The following PCCA variants were observed in gnomAD, a reference collection of about 807,000 sequenced individuals.
The protein encoded by PCCA is propionyl-CoA carboxylase subunit alpha.
PCCA carries 74 observed loss-of-function variants against 101.3 expected under a neutral mutation model. That is an observed-to-expected ratio of 0.73 (90% CI 0.61 to 0.89). The LOEUF (loss-of-function observed/expected upper bound fraction) is 0.89. Among genes scored for constraint, PCCA ranks in the 40% least tolerant of loss-of-function variants. PCCA has a pLI of 0.00. For synonymous variants in PCCA, 294 were observed against 313.6 expected (o/e 0.94, Z 0.66); for missense variants, 891 against 907.0 (o/e 0.98, Z 0.23).
At chr13:100,487,714 G>C (rs747167167) in intron 21 of PCCA, among the ~76,000 whole-genome samples, 1 of 151,890 alleles carries the variant, frequency 6.6e-6, no homozygotes, top group African/African-American at 2.4e-5. Flanking sequence ...GAAATGCTGC[G>C]ATGGGACCTT....
Position 100,202,486 on chromosome 13 carries a change from G to GTT in PCCA, c.469-6834_469-6833dup, listed in dbSNP as rs1338702389. 2.1e-3 allele frequency among the ~76,000 whole-genome samples: 268 copies of GTT among 130,326 alleles called. 2 individuals carry two copies. Among genetic ancestry groups the GTT allele is most frequent in the African/African-American group, 6.9e-3 (247 of 35,950 alleles). 85.5% of individuals were successfully genotyped at this position (130,326 alleles called of 152,430 possible). A position where few individuals can be genotyped will look rare whatever the true frequency, so the allele number is the denominator to read the frequency against. ...TCTTTTGTATAAGTTACCTATTCCT[G>GTT]TTTTTTTTTTTTTCATTTTCTTTTA... On this transcript the variant is annotated intron_variant, in intron 6 of 23. Transcript: ENST00000376285.
chr13:100,512,456 T>TA (rs1157082205), intron 21 of PCCA, among the ~76,000 whole-genome samples: 2 of 152,238 alleles, frequency 1.3e-5, no homozygotes, highest in Non-Finnish European at 2.9e-5. Context: ...TGTTCTCACT[T>TA]ACGTGGTGAG....
chr13:100,400,387 C>T (rs1045908296), intron 19 of PCCA, among the ~76,000 whole-genome samples: 1 of 152,098 alleles, frequency 6.6e-6, no homozygotes, highest in African/African-American at 2.4e-5. Context: ...ACTACATCAC[C>T]TGACAAGCTG....
intron 12 of PCCA, among the ~76,000 whole-genome samples, chr13:100,275,719 T>C (rs1443194751): frequency 3.3e-5 from 5 of 152,188 alleles, no homozygotes; most frequent in Non-Finnish European, 5.9e-5. Flanking sequence ...TCATTTAATT[T>C]TTTCCTGTAC....
intron 17 of PCCA, among the ~76,000 whole-genome samples, chr13:100,339,814 G>A (rs1298991847): frequency 6.6e-6 from 1 of 152,204 alleles, no homozygotes; most frequent in East Asian, 1.9e-4. Flanking sequence ...GGCTGGGAAA[G>A]GACAGAGAGA....
At chr13:100,521,290 A>G (rs551065350) in intron 22 of PCCA, among the ~76,000 whole-genome samples, 3 of 152,192 alleles carry the variant, frequency 2.0e-5, no homozygotes, top group African/African-American at 7.2e-5. Flanking sequence ...CAAGGGGAGC[A>G]CCAGGCAGAC....
At chr13:100,089,368 C>T (rs1431874702) in intron 1 of PCCA, 143 bp downstream of exon 1, 10 of 1,158,646 alleles carry the variant, frequency 8.6e-6, no homozygotes, top group Non-Finnish European at 1.1e-5. Flanking sequence ...CGCTTGCTTT[C>T]CTCCCTCCCG....
intron 16 of PCCA, among the ~76,000 whole-genome samples, chr13:100,316,479 G>C (rs944761164): frequency 1.2e-4 from 18 of 152,048 alleles, no homozygotes; most frequent in Non-Finnish European, 2.1e-4. Context: ...CTATTTTTCA[G>C]CTTTGGATAT....
At chr13:100,516,736 C>CGTGTGTGTGTGTGTGTGTGT (rs3840000) in intron 22 of PCCA, among the ~76,000 whole-genome samples, 9 of 145,068 alleles carry the variant, frequency 6.2e-5, no homozygotes, top group South Asian at 2.3e-4. Context: ...AGAAAAATTA[C>CGTGTGTGTGTGTGTGTGTGT]GTGTGTGTGT....
chr13:100,248,513 C>T (rs2061577147), intron 8 of PCCA, among the ~76,000 whole-genome samples: 1 of 152,152 alleles, frequency 6.6e-6, no homozygotes. Flanking sequence ...ATAGTAGTAT[C>T]TCATAGTTTC....
chr13:100,481,053 G>A (rs2152968444), intron 21 of PCCA: 1 of 152,306 alleles, frequency 6.6e-6, no homozygotes, highest in South Asian at 2.1e-4. Flanking sequence ...TTTAGGTACA[G>A]CAGCAAAACT....
intron 22 of PCCA, chr13:100,527,228 C>T: frequency 2.2e-6 from 1 of 459,692 alleles, no homozygotes; most frequent in South Asian, 1.6e-5. Flanking sequence ...AATTTTGGAA[C>T]ATTTTTATCA....
chr13:100,426,871 AT>A (rs2079181414), intron 20 of PCCA, among the ~76,000 whole-genome samples: 1 of 152,174 alleles, frequency 6.6e-6, no homozygotes, highest in African/African-American at 2.4e-5. Context: ...CTTGAAAAAA[AT>A]ATCACTACAT....
In PCCA at chr13:100,257,596, C is replaced by T. The variant is rs1179754934; in HGVS notation, c.639C>T (p.Gly213=). ...EEAVRIAREI[G]YPVMIKASAG... ...TGTCTAATTCTTCCCTGCTGTTAGG[C>T]TACCCTGTCATGATCAAGGCCTCAG... Residue 213 remains glycine (G), a splice_region_variant and synonymous_variant, in exon 9 of 24, where the codon GGC becomes GGT. Coordinates refer to ENST00000376285, the MANE Select transcript of PCCA (RefSeq NM_000282.4). 6.2e-7 allele frequency: 1 copy of T among 1,612,048 alleles called. No homozygotes were observed. The highest frequency in any genetic ancestry group is 1.1e-5 in the South Asian group (1 of 90,798).
At chr13:100,376,489 G>A (rs1190277031) in intron 19 of PCCA, among the ~76,000 whole-genome samples, 2 of 152,232 alleles carry the variant, frequency 1.3e-5, no homozygotes, top group Non-Finnish European at 2.9e-5. Context: ...AGGGAGATAG[G>A]AGTTTTATCT....
At chr13:100,524,552 T>C (rs915022046) in intron 22 of PCCA, among the ~76,000 whole-genome samples, 5 of 152,126 alleles carry the variant, frequency 3.3e-5, no homozygotes, top group South Asian at 2.1e-4. Flanking sequence ...AATAGAGAAG[T>C]GTGCTACTTA....
intron 7 of PCCA, among the ~76,000 whole-genome samples, chr13:100,214,044 T>C (rs138069835): frequency 1.3e-5 from 2 of 152,294 alleles, no homozygotes; most frequent in Admixed American, 6.5e-5. Flanking sequence ...ACTATAGATA[T>C]ATGGATTTAT....
At chr13:100,147,488 A>G (rs2052724328) in intron 4 of PCCA, among the ~76,000 whole-genome samples, 1 of 152,204 alleles carries the variant, frequency 6.6e-6, no homozygotes, top group Non-Finnish European at 1.5e-5. Flanking sequence ...AGCTGTTCAT[A>G]TGGTTTGGAA....
rs72661023 is a variant in PCCA, at chr13:100,527,802, C to T, written c.2118+50C>T. The T allele has an allele frequency of 7.0e-3, 9,259 of 1,330,110 alleles. 41 individuals carry two copies. The highest frequency in any genetic ancestry group is 8.6e-3 in the Non-Finnish European group (7,991 of 926,142). The allele number at this position is 1,330,110 out of a possible 1,614,324, so 82.4% of individuals were successfully genotyped here. A position where few individuals can be genotyped will look rare whatever the true frequency, so the allele number is the denominator to read the frequency against. ...CCAGGCCGGCCCTGTGATGGAGGAA[C>T]GCCCACCTTTGAATCGTGGGTGGTT... On this transcript the variant is annotated intron_variant, in intron 23 of 23. Transcript: ENST00000376285.
Sources: gnomAD v4.1 joint callset for allele counts (sites outside exome capture counted in the v4.1 genomes callset) on GRCh38, gnomAD v4.1.1 for gene constraint, MANE v1.5 for transcripts, NCBI Gene and HGNC (gene_info 2026-07-23, HGNC 2026-07-21) for gene names.